Variants in ICA1L observed in about 807,000 individuals in gnomAD.
The protein encoded by ICA1L is islet cell autoantigen 1 like, also known as islet cell autoantigen 1-like protein.
In ICA1L, 50 loss-of-function variants were observed where a neutral mutation model predicts 61.3. The observed-to-expected ratio is 0.82, with a 90% CI of 0.65 to 1.03. The LOEUF (loss-of-function observed/expected upper bound fraction) is 1.03, where lower values mean the gene tolerates loss of function less well. Ranked by LOEUF, ICA1L falls within the 50% of genes least tolerant of loss-of-function variation. The probability of loss-of-function intolerance (pLI) is 0.00; values close to 1 mark genes in which losing one functional copy is unlikely to be tolerated. For synonymous variants in ICA1L, 161 were observed against 191.3 expected (o/e 0.84, Z 1.31); for missense variants, 508 against 556.7 (o/e 0.91, Z 0.88).
intron 1 of ICA1L, among the ~76,000 whole-genome samples, chr2:202,842,954 G>A (rs1446296762): frequency 6.6e-6 from 1 of 151,892 alleles, no homozygotes; most frequent in South Asian, 2.1e-4. Flanking sequence ...TTCATTAATT[G>A]TATTTTTCAG....
intron 10 of ICA1L, among the ~76,000 whole-genome samples, 197 bp downstream of exon 10, chr2:202,796,693 G>A (rs1000829211): frequency 9.2e-5 from 14 of 152,234 alleles, no homozygotes; most frequent in Admixed American, 6.5e-4. Flanking sequence ...CTGGTTATAC[G>A]GATACGTTCT....
chr2:202,807,526 A>G (rs530600241), intron 9 of ICA1L, among the ~76,000 whole-genome samples: 5 of 152,198 alleles, frequency 3.3e-5, no homozygotes, highest in Non-Finnish European at 4.4e-5. Flanking sequence ...AATAAACTTG[A>G]AAGGCAGTCT....
chr2:202,793,225 CT>C (rs1428005024), intron 10 of ICA1L, among the ~76,000 whole-genome samples: 1 of 152,014 alleles, frequency 6.6e-6, no homozygotes, highest in South Asian at 2.1e-4. Flanking sequence ...AAATGAATAA[CT>C]TCTTAGAAAA....
chr2:202,779,552 T>A lies in ICA1L; in HGVS notation c.1430A>T (p.Asp477Val). 1 of 1,606,974 alleles carries A rather than the reference T, an allele frequency of 6.2e-7. No homozygotes were observed. The highest frequency in any genetic ancestry group is 8.5e-7 in the Non-Finnish European group (1 of 1,174,592). The change falls in exon 13 of 13, where the codon GAT (aspartate) becomes GTT (valine). Residue 477 changes from aspartate (D) to valine (V), a missense_variant. Physicochemically the swap from Asp to Val is radical, Grantham distance 152. Coordinates refer to ENST00000358299, the MANE Select transcript of ICA1L (RefSeq NM_001288622.3). ...CTTCAGTCAAGCATTAAGAAGTTCA[T>A]CATCTGAGTGTCCAATAGCATCTGG... ...SNPDAIGHSD[D>V]ELLNA
intron 1 of ICA1L, among the ~76,000 whole-genome samples, chr2:202,834,694 G>A (rs191791090): frequency 6.6e-6 from 1 of 152,178 alleles, no homozygotes; most frequent in East Asian, 1.9e-4. Context: ...AATTATCAAG[G>A]TGCTGCCATT....
chr2:202,780,362 C>CA (rs1259518980), intron 12 of ICA1L, among the ~76,000 whole-genome samples: 1 of 152,152 alleles, frequency 6.6e-6, no homozygotes, highest in East Asian at 1.9e-4. Flanking sequence ...ATCTCAGGTA[C>CA]AACTTCTTGT....
At chr2:202,863,732 CAGG>C (rs1357176353) in intron 1 of ICA1L, among the ~76,000 whole-genome samples, 4 of 150,332 alleles carry the variant, frequency 2.7e-5, no homozygotes, top group African/African-American at 9.8e-5. Context: ...GAGGCTGAGG[CAGG>C]AGAATGGCAT....
At chr2:202,807,465 C>G (rs1437368894) in intron 9 of ICA1L, among the ~76,000 whole-genome samples, 3 of 152,216 alleles carry the variant, frequency 2.0e-5, no homozygotes, top group African/African-American at 7.2e-5. Context: ...TGGTCAGAAT[C>G]TGAGTTCCAG....
chr2:202,785,230 A>G (rs1007285636), intron 12 of ICA1L, among the ~76,000 whole-genome samples: 1 of 151,856 alleles, frequency 6.6e-6, no homozygotes, highest in African/African-American at 2.4e-5. Context: ...TAAAAAAAAA[A>G]AAAAAAAGAA....
chr2:202,825,587 C>T, intron 3 of ICA1L, 108 bp downstream of exon 3: 1 of 1,298,206 alleles, frequency 7.7e-7, no homozygotes. Context: ...CATATTTTGC[C>T]ATAAGAAGCT....
intron 11 of ICA1L, among the ~76,000 whole-genome samples, chr2:202,788,504 T>C (rs1692654596): frequency 6.6e-6 from 1 of 152,034 alleles, no homozygotes; most frequent in African/African-American, 2.4e-5. Context: ...CACAGCAAGT[T>C]TTGCTTGATG....
intron 1 of ICA1L, chr2:202,871,175 G>A (rs986014534): frequency 6.6e-6 from 1 of 152,238 alleles, no homozygotes; most frequent in Non-Finnish European, 1.5e-5. Context: ...TTAAAAAGAG[G>A]TCAGCAGGGA....
At chr2:202,825,880 T>C (rs1371901336) in intron 2 of ICA1L, 113 bp from the exon 3 acceptor site, 17 of 577,038 alleles carry the variant, frequency 2.9e-5, no homozygotes, top group Non-Finnish European at 4.3e-5. Context: ...TTTAAAAACA[T>C]TATGTCTATT....
chr2:202,840,218 G>A lies in ICA1L; in HGVS notation c.-7-11202C>T, dbSNP rs563281075. 133 of 418,284 alleles carry A rather than the reference G, an allele frequency of 3.2e-4. 1 individual carries two copies. The highest frequency in any genetic ancestry group is 2.5e-3 in the African/African-American group (123 of 48,946). 25.9% of individuals were successfully genotyped at this position (418,284 alleles called of 1,614,324 possible). A position where few individuals can be genotyped will look rare whatever the true frequency, so the allele number is the denominator to read the frequency against. Reference sequence around the variant, plus strand: ...CACGAACGGGTGGGCTGAGGGCTAGGGCTGAGCCTCAGGTGGGTCTCCTGT... The same window carrying A: ...CACGAACGGGTGGGCTGAGGGCTAGAGCTGAGCCTCAGGTGGGTCTCCTGT... On this transcript the variant is annotated intron_variant, in intron 1 of 12. Transcript: ENST00000358299.
chr2:202,814,046 C>T (rs1288376816), intron 8 of ICA1L, among the ~76,000 whole-genome samples: 1 of 152,022 alleles, frequency 6.6e-6, no homozygotes, highest in Non-Finnish European at 1.5e-5. Context: ...CCTTTGCCTG[C>T]TATGTTAAAA....
chr2:202,841,767 C>T, intron 1 of ICA1L: 1 of 442,728 alleles, frequency 2.3e-6, no homozygotes, highest in Admixed American at 2.7e-5. Flanking sequence ...ACTTCTGGGT[C>T]ACCATGATGG....
chr2:202,867,517 T>C (rs1687550416), intron 1 of ICA1L, among the ~76,000 whole-genome samples: 1 of 152,190 alleles, frequency 6.6e-6, no homozygotes, highest in African/African-American at 2.4e-5. Context: ...ACAATAAAAA[T>C]ATGCTATTAC....
At chr2:202,812,206 G>A (rs1008569960) in intron 8 of ICA1L, among the ~76,000 whole-genome samples, 3 of 152,164 alleles carry the variant, frequency 2.0e-5, no homozygotes, top group Non-Finnish European at 2.9e-5. Flanking sequence ...TGCAAGACAC[G>A]TTAGCCTAAA....
chr2:202,841,976 G>A (rs957205756), intron 1 of ICA1L, among the ~76,000 whole-genome samples: 5 of 151,610 alleles, frequency 3.3e-5, no homozygotes, highest in Admixed American at 1.3e-4. Flanking sequence ...TTAGTCTCCC[G>A]AGTAGCTGGG....
Sources: allele counts gnomAD v4.1 joint callset (sites outside exome capture counted in the v4.1 genomes callset), GRCh38; gene constraint gnomAD v4.1.1; transcripts MANE v1.5; gene names NCBI Gene and HGNC (gene_info 2026-07-23, HGNC 2026-07-21).